RNF4: variants seen among roughly 807,000 people sequenced by gnomAD.
The protein encoded by RNF4 is E3 ubiquitin-protein ligase RNF4.
A neutral mutation model predicts 24.3 loss-of-function variants in RNF4; 7 were observed. The observed-to-expected ratio is 0.29, with a 90% CI of 0.16 to 0.54. The LOEUF (loss-of-function observed/expected upper bound fraction) is 0.54, where lower values mean the gene tolerates loss of function less well. Ranked by LOEUF, RNF4 falls within the 20% of genes least tolerant of loss-of-function variation. The probability of loss-of-function intolerance (pLI) is 0.95; values close to 1 mark genes in which losing one functional copy is unlikely to be tolerated. For missense variants in RNF4, 209 were observed against 248.5 expected (o/e 0.84, Z 1.07); for synonymous variants, 83 against 84.3 (o/e 0.98, Z 0.09).
At chr4:2,504,309 T>A (rs1736001550) in intron 4 of RNF4, among the ~76,000 whole-genome samples, 1 of 152,174 alleles carries the variant, frequency 6.6e-6, no homozygotes, top group African/African-American at 2.4e-5. Flanking sequence ...AATGCCAGAC[T>A]TTTCTAAAGA....
At position 2,513,699 on chromosome 4, in the gene RNF4, C is replaced by T. The variant is rs775128450; in HGVS notation, c.453C>T (p.Ser151=). The T allele has an allele frequency of 2.5e-6, 4 of 1,613,958 alleles. No homozygotes were observed. In the South Asian group the frequency reaches 4.4e-5, roughly 18 times the overall value. ...TGCAGAATGGACGTCTCATCGTTTC[C>T]ACAGAATGCGGCCATGTCTTCTGTA... ...EIVQNGRLIV[S]TECGHVFCSQ... The change falls in exon 8 of 8, where the codon TCC becomes TCT. Residue 151 remains serine (S), a synonymous_variant. Transcript: ENST00000314289.
intron 2 of RNF4, among the ~76,000 whole-genome samples, chr4:2,493,152 G>A (rs1735629988): frequency 6.6e-6 from 1 of 152,128 alleles, no homozygotes; most frequent in South Asian, 2.1e-4. Context: ...GAGGCTCAGA[G>A]ACAGCAGAGT....
At chr4:2,482,935 C>G (rs552953314) in intron 1 of RNF4, among the ~76,000 whole-genome samples, 11 of 152,294 alleles carry the variant, frequency 7.2e-5, no homozygotes, top group African/African-American at 2.4e-4. Context: ...TACATCCTGC[C>G]AAGTCTGTTC....
intron 1 of RNF4, among the ~76,000 whole-genome samples, chr4:2,484,547 G>A (rs1026432382): frequency 3.3e-5 from 5 of 151,800 alleles, no homozygotes; most frequent in African/African-American, 7.3e-5. Context: ...CCCATTGTAC[G>A]TCAAGGAGCA....
At chr4:2,506,576 T>C (rs940569267) in intron 4 of RNF4, among the ~76,000 whole-genome samples, 3 of 151,856 alleles carry the variant, frequency 2.0e-5, no homozygotes, top group African/African-American at 4.8e-5. Context: ...TTCTTCTTTT[T>C]TTTTCCCTTG....
chr4:2,495,802 T>C (rs569512071), intron 2 of RNF4, among the ~76,000 whole-genome samples: 18 of 152,264 alleles, frequency 1.2e-4, no homozygotes, highest in Admixed American at 7.2e-4. Context: ...CCAGCTAATT[T>C]TGTATTTTTA....
intron 2 of RNF4, among the ~76,000 whole-genome samples, chr4:2,494,249 A>G (rs1735667940): frequency 6.6e-6 from 1 of 152,158 alleles, no homozygotes; most frequent in Non-Finnish European, 1.5e-5. Context: ...ATGAGAATAC[A>G]TTGAATAAAG....
At chr4:2,483,797 G>C (rs1022215465) in intron 1 of RNF4, among the ~76,000 whole-genome samples, 2 of 151,584 alleles carry the variant, frequency 1.3e-5, no homozygotes, top group Non-Finnish European at 2.9e-5. Context: ...GAACAAGACT[G>C]TGTCTCAAAA....
intron 4 of RNF4, among the ~76,000 whole-genome samples, chr4:2,509,716 C>G (rs969294803): frequency 6.6e-6 from 1 of 152,104 alleles, no homozygotes; most frequent in Non-Finnish European, 1.5e-5. Flanking sequence ...AGTTTGGTAC[C>G]ATCCACAGGC....
At chr4:2,477,646 C>T (rs567444492) in intron 1 of RNF4, among the ~76,000 whole-genome samples, 1 of 152,284 alleles carries the variant, frequency 6.6e-6, no homozygotes, top group African/African-American at 2.4e-5. Context: ...CTCTCTTTGC[C>T]TGCTGCCATC....
At chr4:2,513,637 A>G in intron 7 of RNF4, 33 bp from the exon 8 acceptor site, 1 of 1,610,932 alleles carries the variant, frequency 6.2e-7, no homozygotes, top group Non-Finnish European at 8.5e-7. Flanking sequence ...GACAAGGGCA[A>G]ACTCGGAGGC....
Position 2,503,425 on chromosome 4 carries a change from G to A in RNF4, c.204+2687G>A, listed in dbSNP as rs1333798958. The stretch of plus-strand genomic sequence containing the variant: ...CCAGAGGGAGAGCTGATAGGTAAAA[G>A]GGAGACGCTCCTGGCTTGGGAAGCA... On this transcript the variant is annotated intron_variant, in intron 4 of 7. Transcript: ENST00000314289. 6.6e-5 allele frequency among the ~76,000 whole-genome samples: 10 copies of A among 152,162 alleles called. No individual in the cohort carries two copies. In the East Asian group the frequency reaches 1.9e-3, roughly 29 times the overall value.
intron 4 of RNF4, chr4:2,505,529 G>A (rs1217030436): frequency 2.7e-5 from 4 of 150,180 alleles, no homozygotes; most frequent in South Asian, 4.2e-4. Flanking sequence ...GTTTCACCAT[G>A]TTAGCCAGGA....
intron 1 of RNF4, among the ~76,000 whole-genome samples, chr4:2,487,185 C>T (rs1360095480): frequency 6.6e-6 from 1 of 152,226 alleles, no homozygotes; most frequent in African/African-American, 2.4e-5. Context: ...TGGCTCACTG[C>T]AGTCTTGACC....
intron 4 of RNF4, 76 bp downstream of exon 4, chr4:2,500,814 G>A: frequency 1.5e-6 from 2 of 1,377,674 alleles, no homozygotes; most frequent in Non-Finnish European, 2.0e-6. Flanking sequence ...GACAGCCTTG[G>A]TCACAGACTC....
Position 2,513,690 on chromosome 4 carries a change from CAT to C in RNF4, c.445_446del (p.Ile149ArgfsTer11), listed in dbSNP as rs1736333132. The C allele has an allele frequency of 6.2e-7, 1 of 1,613,832 alleles. No individual in the cohort carries two copies. The highest frequency in any genetic ancestry group is 1.3e-5 in the African/African-American group (1 of 74,904). Reference protein sequence around the residue: ...YSEIVQNGRLIVSTECGHVFC... With the variant: ...YSEIVQNGRLXVSTECGHVFC... Reference sequence around the variant, plus strand: ...TCTAGATCGTGCAGAATGGACGTCTCATCGTTTCCACAGAATGCGGCCATGTC... The same window carrying C: ...TCTAGATCGTGCAGAATGGACGTCTCCGTTTCCACAGAATGCGGCCATGTC... On this transcript the variant is annotated frameshift_variant, in exon 8 of 8. Transcript: ENST00000314289. LOFTEE classifies it high-confidence loss of function.
intron 1 of RNF4, among the ~76,000 whole-genome samples, chr4:2,474,220 AC>A (rs112255088): frequency 0.85 from 128,614 of 151,706 alleles, 54,583 homozygotes; most frequent in South Asian, 0.89. Context: ...CTAAAAACAC[AC>A]AAAAAAATTA....
chr4:2,477,551 C>T (rs1178551862), intron 1 of RNF4, among the ~76,000 whole-genome samples: 5 of 152,094 alleles, frequency 3.3e-5, no homozygotes, highest in African/African-American at 7.2e-5. Flanking sequence ...TGCCACTGCA[C>T]TCCAGCTTGG....
intron 1 of RNF4, among the ~76,000 whole-genome samples, chr4:2,488,899 C>T (rs1012186600): frequency 6.6e-6 from 1 of 152,116 alleles, no homozygotes; most frequent in South Asian, 2.1e-4. Flanking sequence ...GCTCCTCTGC[C>T]TCCCAGGTTC....
Sources: allele counts gnomAD v4.1 joint callset (sites outside exome capture counted in the v4.1 genomes callset), GRCh38; gene constraint gnomAD v4.1.1; transcripts MANE v1.5; gene names NCBI Gene and HGNC (gene_info 2026-07-23, HGNC 2026-07-21).